MFAP3L: variants seen among roughly 807,000 people sequenced by gnomAD.
MFAP3L encodes microfibrillar-associated protein 3-like.
Under a neutral mutation model 20.0 loss-of-function variants are expected in MFAP3L, and 5 were observed. The observed-to-expected ratio is 0.25, with a 90% CI of 0.13 to 0.53. MFAP3L has a LOEUF of 0.53. Among genes scored for constraint, MFAP3L ranks in the 20% least tolerant of loss-of-function variants. The probability of loss-of-function intolerance (pLI) is 0.96; values close to 1 mark genes in which losing one functional copy is unlikely to be tolerated. For missense variants in MFAP3L, 409 were observed against 527.5 expected (o/e 0.78, Z 2.20); for synonymous variants, 219 against 213.0 (o/e 1.03, Z -0.25).
At chr4:170,013,817 T>G (rs915356704) in intron 1 of MFAP3L, among the ~76,000 whole-genome samples, 1 of 152,222 alleles carries the variant, frequency 6.6e-6, no homozygotes, top group African/African-American at 2.4e-5. Context: ...AGATAGCATC[T>G]CACTGTTACC....
chr4:170,020,607 G>A (rs1295577922), intron 1 of MFAP3L, among the ~76,000 whole-genome samples: 1 of 143,246 alleles, frequency 7.0e-6, no homozygotes, highest in Non-Finnish European at 1.5e-5. Flanking sequence ...CTGCATCTCT[G>A]GAGCCTCCCC....
chr4:170,020,718 T>C (rs1351805057), intron 1 of MFAP3L, among the ~76,000 whole-genome samples: 2 of 149,904 alleles, frequency 1.3e-5, no homozygotes, highest in Non-Finnish European at 3.0e-5. Flanking sequence ...CAACTCCCAG[T>C]AGTTCCCCAC....
At chr4:170,009,992 A>T (rs1407688395) in intron 1 of MFAP3L, among the ~76,000 whole-genome samples, 1 of 152,060 alleles carries the variant, frequency 6.6e-6, no homozygotes, top group African/African-American at 2.4e-5. Context: ...ACACCTACTG[A>T]GAGTTACCCC....
rs1730395226 is a variant in MFAP3L, at chr4:170,026,217, C to A, written c.-134+17G>T. On this transcript the variant is annotated intron_variant, in intron 1 of 2. Coordinates refer to ENST00000361618, the MANE Select transcript of MFAP3L (RefSeq NM_021647.8). ...CCCGTGCCCCTCCGCCCCGGCCCGC[C>A]GGGGGCCCCCGCTAACCTGACACCG... The A allele has an allele frequency of 1.0e-6, 1 of 984,310 alleles. No individual in the cohort carries two copies. The highest frequency in any genetic ancestry group is 6.2e-5 in the Admixed American group (1 of 16,206). The allele number at this position is 984,310 out of a possible 1,614,324, so 61.0% of individuals were successfully genotyped here.
chr4:169,997,127 T>A (rs1406144890), intron 2 of MFAP3L, among the ~76,000 whole-genome samples: 1 of 152,180 alleles, frequency 6.6e-6, no homozygotes, highest in African/African-American at 2.4e-5. Context: ...AGATGACTGT[T>A]CATTTGCAAG....
intron 2 of MFAP3L, among the ~76,000 whole-genome samples, chr4:169,995,281 T>G (rs1738057712): frequency 6.6e-6 from 1 of 152,172 alleles, no homozygotes; most frequent in Admixed American, 6.5e-5. Flanking sequence ...AGAAGAGAAC[T>G]AAGGTCCCGT....
At chr4:170,022,644 A>G (rs879546952) in intron 1 of MFAP3L, among the ~76,000 whole-genome samples, 1 of 152,216 alleles carries the variant, frequency 6.6e-6, no homozygotes, top group African/African-American at 2.4e-5. Context: ...GCCATCATTC[A>G]GGTGGGCCCA....
At chr4:169,997,392 G>A (rs189538798) in intron 2 of MFAP3L, among the ~76,000 whole-genome samples, 3 of 151,976 alleles carry the variant, frequency 2.0e-5, no homozygotes, top group Admixed American at 2.0e-4. Context: ...AGCAAATGAC[G>A]GGCCAGGAGA....
Position 169,991,035 on chromosome 4 carries a change from G to C in MFAP3L, c.*343C>G, listed in dbSNP as rs1057399974. ...AGGAAAAGCAATGCAGGGGGCACTG[G>C]ACAGGGTTCTTGAACTCAGAATATC... On this transcript the variant is annotated 3_prime_UTR_variant, in exon 3 of 3. Coordinates refer to ENST00000361618, the MANE Select transcript of MFAP3L (RefSeq NM_021647.8). The surrounding 1 kb of genome is among the most constrained non-coding windows in gnomAD (Gnocchi z 4.9). 1 of 279,964 alleles carries C rather than the reference G, an allele frequency of 3.6e-6. No individual in the cohort carries two copies. Among genetic ancestry groups the C allele is most frequent in the Non-Finnish European group, 6.7e-6 (1 of 148,820 alleles). 17.3% of individuals were successfully genotyped at this position (279,964 alleles called of 1,614,324 possible). A position where few individuals can be genotyped will look rare whatever the true frequency, so the allele number is the denominator to read the frequency against.
intron 1 of MFAP3L, among the ~76,000 whole-genome samples, chr4:170,010,969 G>C (rs1739343540): frequency 6.6e-6 from 1 of 152,228 alleles, no homozygotes; most frequent in South Asian, 2.1e-4. Context: ...GTCAAGGGTG[G>C]GGCCAAGTGG....
intron 1 of MFAP3L, among the ~76,000 whole-genome samples, chr4:170,011,962 C>T (rs1739409172): frequency 6.6e-6 from 1 of 152,158 alleles, no homozygotes; most frequent in Non-Finnish European, 1.5e-5. Context: ...TAATTAGGCA[C>T]TGATGGCCAG....
intron 2 of MFAP3L, chr4:169,997,871 G>T: frequency 1.1e-6 from 1 of 916,818 alleles, no homozygotes; most frequent in Non-Finnish European, 1.3e-6. Flanking sequence ...GCAGGTAGTT[G>T]TCAGGCTGGT....
chr4:170,000,051 G>A (rs1477029484), intron 2 of MFAP3L, among the ~76,000 whole-genome samples: 1 of 152,176 alleles, frequency 6.6e-6, no homozygotes, highest in Non-Finnish European at 1.5e-5. Flanking sequence ...CCTCTGTGGA[G>A]AAAACAGTTC....
intron 1 of MFAP3L, among the ~76,000 whole-genome samples, chr4:170,021,301 T>C (rs539588605): frequency 6.6e-6 from 1 of 152,292 alleles, no homozygotes; most frequent in African/African-American, 2.4e-5. Flanking sequence ...TACCACTGAG[T>C]CCTGGTGGTT....
intron 2 of MFAP3L, chr4:169,995,142 GT>G (rs1208649476): frequency 6.6e-6 from 1 of 152,184 alleles, no homozygotes; most frequent in Admixed American, 6.5e-5. Flanking sequence ...TTAAGGTAAT[GT>G]TAATGTCACT....
chr4:170,014,984 T>C (rs1035311908), intron 1 of MFAP3L, among the ~76,000 whole-genome samples: 1 of 152,166 alleles, frequency 6.6e-6, no homozygotes, highest in African/African-American at 2.4e-5. Context: ...ACATCGAGTG[T>C]TCTTAGCAAC....
At chr4:170,003,174 G>C (rs981939808) in intron 2 of MFAP3L, among the ~76,000 whole-genome samples, 65 of 152,270 alleles carry the variant, frequency 4.3e-4, no homozygotes, top group East Asian at 1.9e-3. Context: ...TCAAGTACTA[G>C]TATCACGAGT....
intron 1 of MFAP3L, among the ~76,000 whole-genome samples, chr4:170,010,558 G>A (rs890338420): frequency 5.3e-5 from 8 of 152,162 alleles, no homozygotes; most frequent in African/African-American, 1.9e-4. Context: ...TGGCGAGGCT[G>A]AAGACATTTA....
At chr4:170,014,945 T>TGA (rs1739606382) in intron 1 of MFAP3L, among the ~76,000 whole-genome samples, 1 of 152,200 alleles carries the variant, frequency 6.6e-6, no homozygotes, top group African/African-American at 2.4e-5. Flanking sequence ...AGTACCCAAC[T>TGA]GAGACACAGA....
Sources: gnomAD v4.1 joint callset for allele counts (sites outside exome capture counted in the v4.1 genomes callset) on GRCh38, gnomAD v4.1.1 for gene constraint, Gnocchi (gnomAD v3.1) non-coding constraint, MANE v1.5 for transcripts, NCBI Gene and HGNC (gene_info 2026-07-23, HGNC 2026-07-21) for gene names.